Variants in COL24A1 observed in about 807,000 individuals in gnomAD.
The protein encoded by COL24A1 is collagen alpha-1(XXIV) chain.
COL24A1 carries 224 observed loss-of-function variants against 253.9 expected under a neutral mutation model. The observed-to-expected ratio is 0.88, with a 90% CI of 0.79 to 0.99. COL24A1 has a LOEUF of 0.99. Ranked by LOEUF, COL24A1 falls within the 50% of genes least tolerant of loss-of-function variation. The pLI, the probability that COL24A1 is intolerant of heterozygous loss-of-function variation, is 0.00. For synonymous variants in COL24A1, 685 were observed against 673.7 expected, an observed-to-expected ratio of 1.02 and a Z score of -0.26; for missense variants, 2,131 against 2,068.5, an observed-to-expected ratio of 1.03 and a Z score of -0.59.
chr1:85,733,582 A>T (rs1570377536), intron 59 of COL24A1, among the ~76,000 whole-genome samples: 1 of 144,992 alleles, frequency 6.9e-6, no homozygotes, highest in African/African-American at 2.5e-5. Context: ...CTGTCATTTA[A>T]TTTTTTTTTT....
chr1:86,040,664 C>T (rs1251798952), intron 12 of COL24A1, among the ~76,000 whole-genome samples: 8 of 151,892 alleles, frequency 5.3e-5, no homozygotes, highest in Non-Finnish European at 1.5e-5. Context: ...GGGGTTAATT[C>T]AAAGTCCTGA....
intron 2 of COL24A1, among the ~76,000 whole-genome samples, chr1:86,136,633 G>T (rs1287903979): frequency 1.3e-5 from 2 of 151,966 alleles, no homozygotes; most frequent in East Asian, 1.9e-4. Context: ...GCTGATAAAT[G>T]GTAGCGATGC....
intron 43 of COL24A1, among the ~76,000 whole-genome samples, chr1:85,835,033 T>C (rs1397523261): frequency 6.6e-6 from 1 of 152,196 alleles, no homozygotes; most frequent in Admixed American, 6.5e-5. Flanking sequence ...AGAGACTGTG[T>C]CTGGGATGTC....
At chr1:86,063,229 C>T (rs1464761020) in intron 8 of COL24A1, among the ~76,000 whole-genome samples, 1 of 151,786 alleles carries the variant, frequency 6.6e-6, no homozygotes, top group Non-Finnish European at 1.5e-5. Flanking sequence ...ATGTACCATT[C>T]TAATTTGGAC....
At chr1:85,876,172 G>C (rs1243648646) in intron 33 of COL24A1, among the ~76,000 whole-genome samples, 1 of 152,022 alleles carries the variant, frequency 6.6e-6, no homozygotes, top group Non-Finnish European at 1.5e-5. Context: ...TATAGGAGTT[G>C]GAGGAGACAT....
chr1:85,889,489 A>C, intron 32 of COL24A1, 71 bp downstream of exon 32: 1 of 1,289,476 alleles, frequency 7.8e-7, no homozygotes, highest in African/African-American at 1.5e-5. Flanking sequence ...ACAGCACAGC[A>C]GAGCAATAAT....
chr1:85,924,330 A>G (rs1368629752), intron 24 of COL24A1, among the ~76,000 whole-genome samples: 1 of 152,228 alleles, frequency 6.6e-6, no homozygotes, highest in Non-Finnish European at 1.5e-5. Flanking sequence ...TGAGGCCAGC[A>G]TCATCCTGAT....
chr1:85,963,471 A>C (rs937440610), intron 23 of COL24A1, among the ~76,000 whole-genome samples: 3 of 152,190 alleles, frequency 2.0e-5, no homozygotes, highest in African/African-American at 4.8e-5. Context: ...TTTGCAGATT[A>C]CTTGCATTCT....
chr1:85,869,832 T>A (rs1452785674), intron 35 of COL24A1, among the ~76,000 whole-genome samples: 4 of 152,134 alleles, frequency 2.6e-5, no homozygotes, highest in African/African-American at 9.6e-5. Context: ...GACAGGATCA[T>A]ATTCACACAC....
chr1:85,980,467 T>C (rs1406108635), intron 20 of COL24A1, among the ~76,000 whole-genome samples: 1 of 152,152 alleles, frequency 6.6e-6, no homozygotes, highest in East Asian at 1.9e-4. Flanking sequence ...CTCTGATAAA[T>C]AGATTCAGTA....
Position 85,972,368 on chromosome 1 carries a change from A to G in COL24A1, c.2365-975T>C, listed in dbSNP as rs528397265. On this transcript the variant is annotated intron_variant, in intron 20 of 59. Transcript: ENST00000370571. ...TGTTATATTTTGCTCTATACTTTCTATACTTTAACACAATAAAAAAAAACT... is the reference window on the plus strand; with the variant it reads ...TGTTATATTTTGCTCTATACTTTCTGTACTTTAACACAATAAAAAAAAACT... Among the ~76,000 whole-genome samples, 16 of 152,204 alleles carry G rather than the reference A, an allele frequency of 1.1e-4. No individual in the cohort carries two copies. The South Asian group carries it at 3.1e-3, about 30-fold the overall frequency.
chr1:86,001,936 G>A (rs150503287), intron 19 of COL24A1, among the ~76,000 whole-genome samples: 15 of 152,324 alleles, frequency 9.8e-5, no homozygotes, highest in African/African-American at 3.4e-4. Flanking sequence ...GACAGAGACA[G>A]TAGAGGCTTT....
At chr1:85,816,649 G>T in intron 47 of COL24A1, 139 bp downstream of exon 47, 2 of 674,676 alleles carry the variant, frequency 3.0e-6, no homozygotes, top group South Asian at 3.7e-5. Context: ...AAATACAACT[G>T]CATAATAGCT....
At chr1:85,960,403 T>C (rs1260644127) in intron 24 of COL24A1, among the ~76,000 whole-genome samples, 1 of 152,128 alleles carries the variant, frequency 6.6e-6, no homozygotes, top group Non-Finnish European at 1.5e-5. Flanking sequence ...TTCTAACAAA[T>C]CTGATTCAAA....
chr1:85,742,675 A>C (rs1422425100), intron 57 of COL24A1, among the ~76,000 whole-genome samples: 1 of 152,066 alleles, frequency 6.6e-6, no homozygotes, highest in Admixed American at 6.5e-5. Context: ...ATCTCCTGTT[A>C]ACAACATCCC....
intron 22 of COL24A1, among the ~76,000 whole-genome samples, chr1:85,969,128 T>C (rs189061983): frequency 4.3e-4 from 66 of 152,324 alleles, no homozygotes; most frequent in African/African-American, 1.5e-3. Context: ...TCGAAGGAAG[T>C]AAATTTTAAA....
chr1:86,146,699 T>A (rs1651928201), intron 1 of COL24A1, among the ~76,000 whole-genome samples: 1 of 152,002 alleles, frequency 6.6e-6, no homozygotes, highest in Non-Finnish European at 1.5e-5. Context: ...CATTTGAATA[T>A]CATACTTAAA....
intron 4 of COL24A1, among the ~76,000 whole-genome samples, chr1:86,113,837 C>CA (rs36014881): frequency 0.46 from 33,432 of 72,650 alleles, 10,150 homozygotes; most frequent in Non-Finnish European, 0.52. Context: ...TCCTGTCTCA[C>CA]AAAAAAAAAA....
chr1:86,035,783 T>C (rs17406450), intron 12 of COL24A1, among the ~76,000 whole-genome samples: 19,113 of 152,164 alleles, frequency 0.13, 1,343 homozygotes, highest in Middle Eastern at 0.23. Flanking sequence ...GTGGGATTGC[T>C]GAAAAACCTT....
Sources: gnomAD v4.1 joint callset for allele counts (sites outside exome capture counted in the v4.1 genomes callset) on GRCh38, gnomAD v4.1.1 for gene constraint, MANE v1.5 for transcripts, NCBI Gene and HGNC (gene_info 2026-07-23, HGNC 2026-07-21) for gene names.